Variants in AGBL4 observed in about 807,000 individuals in gnomAD.
The protein encoded by AGBL4 is AGBL carboxypeptidase 4, also known as cytosolic carboxypeptidase 6.
In AGBL4, 58 loss-of-function variants were observed where a neutral mutation model predicts 66.4. The ratio of observed to expected loss-of-function variants is 0.87; its 90% CI spans 0.71 to 1.09. AGBL4 has a LOEUF of 1.09. AGBL4 is among the 50% of genes least tolerant of loss of function. AGBL4 has a pLI of 0.00. For synonymous variants in AGBL4, 234 were observed against 222.9 expected, an observed-to-expected ratio of 1.05 and a Z score of -0.44; for missense variants, 579 against 631.0, an observed-to-expected ratio of 0.92 and a Z score of 0.88.
intron 4 of AGBL4, among the ~76,000 whole-genome samples, chr1:49,184,801 C>T (rs1646986178): frequency 6.6e-6 from 1 of 152,192 alleles, no homozygotes; most frequent in Non-Finnish European, 1.5e-5. Context: ...TGGCTTGCCA[C>T]TTACTAAGTG....
At chr1:49,250,032 T>C (rs1426516028) in intron 3 of AGBL4, among the ~76,000 whole-genome samples, 2 of 152,096 alleles carry the variant, frequency 1.3e-5, no homozygotes, top group African/African-American at 4.8e-5. Flanking sequence ...GTAGATTTCA[T>C]AGAGGTAGAG....
chr1:49,025,433 A>C (rs1412974066), intron 5 of AGBL4, among the ~76,000 whole-genome samples: 1 of 152,156 alleles, frequency 6.6e-6, no homozygotes, highest in Non-Finnish European at 1.5e-5. Context: ...AGGATGTTCC[A>C]GTGTATTTGG....
chr1:49,751,527 T>C (rs1326841353), intron 2 of AGBL4, among the ~76,000 whole-genome samples: 1 of 152,214 alleles, frequency 6.6e-6, no homozygotes, highest in Non-Finnish European at 1.5e-5. Flanking sequence ...ATCAGGAATA[T>C]TGGTCTGAAA....
At chr1:49,845,732 C>T (rs911224073) in intron 2 of AGBL4, 114 of 1,592,206 alleles carry the variant, frequency 7.2e-5, no homozygotes, top group Admixed American at 1.0e-4. Flanking sequence ...AGGATTTACA[C>T]GGGAGAGAAG....
chr1:48,832,261 T>C (rs1378879525), intron 6 of AGBL4, among the ~76,000 whole-genome samples: 1 of 152,104 alleles, frequency 6.6e-6, no homozygotes, highest in Non-Finnish European at 1.5e-5. Context: ...CATAAGGAGA[T>C]GGTTGCTGTT....
intron 4 of AGBL4, among the ~76,000 whole-genome samples, chr1:49,221,399 G>T (rs1270183357): frequency 2.0e-5 from 3 of 151,958 alleles, no homozygotes; most frequent in Non-Finnish European, 4.4e-5. Context: ...AAGCTCACAT[G>T]GAACTACAAG....
At chr1:49,874,688 A>G (rs1646931367) in intron 1 of AGBL4, among the ~76,000 whole-genome samples, 1 of 152,162 alleles carries the variant, frequency 6.6e-6, no homozygotes, top group South Asian at 2.1e-4. Flanking sequence ...AACTTTACAC[A>G]TCTACATCTT....
chr1:48,901,826 T>C (rs1177901679), intron 5 of AGBL4, among the ~76,000 whole-genome samples: 1 of 152,108 alleles, frequency 6.6e-6, no homozygotes, highest in African/African-American at 2.4e-5. Flanking sequence ...TGTTTATAAT[T>C]TGATTGTGGT....
At chr1:48,747,019 G>A (rs1448339902) in intron 6 of AGBL4, among the ~76,000 whole-genome samples, 2 of 152,218 alleles carry the variant, frequency 1.3e-5, no homozygotes, top group Admixed American at 6.5e-5. Flanking sequence ...GCAAATTTTA[G>A]TCGGCTTCAC....
intron 5 of AGBL4, among the ~76,000 whole-genome samples, chr1:48,895,287 G>C (rs936376459): frequency 1.3e-5 from 2 of 152,308 alleles, no homozygotes; most frequent in Middle Eastern, 3.4e-3. Flanking sequence ...CTTGTTGACC[G>C]TCAGGCATGG....
chr1:49,616,896 T>A (rs1029358134), intron 3 of AGBL4, among the ~76,000 whole-genome samples: 8 of 152,194 alleles, frequency 5.3e-5, no homozygotes, highest in Non-Finnish European at 1.0e-4. Context: ...CCTCCACTGG[T>A]ACTATCCGGT....
At chr1:49,086,077 T>C (rs1644901968) in intron 4 of AGBL4, among the ~76,000 whole-genome samples, 1 of 152,170 alleles carries the variant, frequency 6.6e-6, no homozygotes, top group African/African-American at 2.4e-5. Flanking sequence ...CAGACTCCTA[T>C]TGTCCTGGGA....
At chr1:49,974,975 C>T (rs1239090783) in intron 1 of AGBL4, among the ~76,000 whole-genome samples, 1 of 152,094 alleles carries the variant, frequency 6.6e-6, no homozygotes, top group Admixed American at 6.5e-5. Context: ...CTACATCATA[C>T]ATTATATACA....
intron 3 of AGBL4, among the ~76,000 whole-genome samples, chr1:49,420,880 G>A (rs1283327663): frequency 6.6e-6 from 1 of 152,122 alleles, no homozygotes; most frequent in Non-Finnish European, 1.5e-5. Context: ...AGGTGCATAA[G>A]ACAGCTATTC....
chr1:48,776,153 A>C (rs1033807659), intron 6 of AGBL4, among the ~76,000 whole-genome samples: 1 of 152,190 alleles, frequency 6.6e-6, no homozygotes, highest in Non-Finnish European at 1.5e-5. Context: ...CCAAGGAGGT[A>C]CCAACAGCCT....
intron 3 of AGBL4, among the ~76,000 whole-genome samples, chr1:49,588,515 TG>T (rs1364313042): frequency 3.9e-5 from 6 of 152,214 alleles, no homozygotes; most frequent in Non-Finnish European, 7.3e-5. Context: ...TGCCTGAGAC[TG>T]GGTTAGAATC....
At chr1:48,824,363 A>G (rs1269527904) in intron 6 of AGBL4, among the ~76,000 whole-genome samples, 2 of 152,208 alleles carry the variant, frequency 1.3e-5, no homozygotes, top group Non-Finnish European at 2.9e-5. Flanking sequence ...CCTCTAATAA[A>G]TGGGAGTCAG....
chr1:49,592,803 T>C lies in AGBL4; in HGVS notation c.282+104510A>G, dbSNP rs1644777030. ...TACTATTGGTGGGAATGTAAATTAG[T>C]TCAGCCACTGCAGAAAGCAGTTTGA... On this transcript the variant is annotated intron_variant, in intron 3 of 13. Transcript: ENST00000371839. 2.6e-5 allele frequency among the ~76,000 whole-genome samples: 4 copies of C among 152,130 alleles called. No individual in the cohort carries two copies. In the South Asian group the frequency reaches 8.3e-4, roughly 32 times the overall value.
intron 3 of AGBL4, among the ~76,000 whole-genome samples, chr1:49,360,308 G>A (rs1644110263): frequency 1.3e-5 from 2 of 152,088 alleles, no homozygotes; most frequent in African/African-American, 4.8e-5. Flanking sequence ...TTCCTTATCT[G>A]TAAAACAAAC....
Sources: allele counts gnomAD v4.1 joint callset (sites outside exome capture counted in the v4.1 genomes callset), GRCh38; gene constraint gnomAD v4.1.1; transcripts MANE v1.5; gene names NCBI Gene and HGNC (gene_info 2026-07-23, HGNC 2026-07-21).